Variants in DCN observed in about 807,000 individuals in gnomAD.
DCN encodes the protein bone proteoglycan II.
A neutral mutation model predicts 36.5 loss-of-function variants in DCN; 17 were observed. The ratio of observed to expected loss-of-function variants is 0.47; its 90% CI spans 0.32 to 0.70. The LOEUF is 0.70. Ranked by LOEUF, DCN falls within the 30% of genes least tolerant of loss-of-function variation. The pLI is 0.04. For synonymous variants in DCN, 163 were observed against 161.4 expected (o/e 1.01, Z -0.07); for missense variants, 389 against 430.1 (o/e 0.90, Z 0.84).
chr12:91,182,203 A>C (rs1868430115), intron 1 of DCN, among the ~76,000 whole-genome samples: 1 of 152,124 alleles, frequency 6.6e-6, no homozygotes, highest in Admixed American at 6.6e-5. Flanking sequence ...ATTTTCAGCT[A>C]ATCACCAGAG....
At chr12:91,146,756 T>G (rs1020378115) in intron 7 of DCN, among the ~76,000 whole-genome samples, 1 of 152,244 alleles carries the variant, frequency 6.6e-6, no homozygotes, top group Non-Finnish European at 1.5e-5. Flanking sequence ...CCCATCTCAG[T>G]AAATTGCATG....
At position 91,149,794 on chromosome 12, in the gene DCN, G is replaced by A. The variant is rs377146055; in HGVS notation, c.885+1860C>T. On this transcript the variant is annotated intron_variant, in intron 7 of 7. Transcript: ENST00000052754. ...ACATCAATTGTATGTTTATACATTA[G>A]CAGCAAACAAATAAAAAAATTAACA... is the stretch of plus-strand genomic sequence containing the variant. Among the ~76,000 whole-genome samples, 5 of 152,038 alleles carry A rather than the reference G, an allele frequency of 3.3e-5. No individual in the cohort carries two copies. The East Asian group carries it at 7.7e-4, about 23-fold the overall frequency.
chr12:91,154,798 T>C (rs1565776158), intron 5 of DCN, among the ~76,000 whole-genome samples: 1 of 152,162 alleles, frequency 6.6e-6, no homozygotes. Context: ...AAGCCTTACT[T>C]CTATAGAGTA....
intron 5 of DCN, among the ~76,000 whole-genome samples, chr12:91,154,498 T>C (rs1881635033): frequency 6.6e-6 from 1 of 152,140 alleles, no homozygotes; most frequent in African/African-American, 2.4e-5. Flanking sequence ...CCATCGGCCT[T>C]ACTTAGTTTC....
chr12:91,155,780 T>A (rs1881730443), intron 5 of DCN, among the ~76,000 whole-genome samples: 1 of 152,148 alleles, frequency 6.6e-6, no homozygotes, highest in Non-Finnish European at 1.5e-5. Context: ...GAATTATAAA[T>A]CAGTCTTTAT....
At chr12:91,157,219 A>G in intron 4 of DCN, 31 bp from the exon 5 acceptor site, 2 of 1,443,618 alleles carry the variant, frequency 1.4e-6, no homozygotes, top group Non-Finnish European at 2.0e-6. Context: ...AGGCTTTTAG[A>G]GGAAATTTTA....
intron 3 of DCN, among the ~76,000 whole-genome samples, chr12:91,161,703 C>T (rs1310580258): frequency 6.6e-6 from 1 of 152,136 alleles, no homozygotes; most frequent in African/African-American, 2.4e-5. Flanking sequence ...TTTTATTTGT[C>T]TGTTTCTTAT....
intron 7 of DCN, among the ~76,000 whole-genome samples, chr12:91,148,138 A>G (rs1046847155): frequency 2.0e-4 from 31 of 151,736 alleles, no homozygotes; most frequent in African/African-American, 6.5e-4. Flanking sequence ...CGGTGTCGCA[A>G]TCTCGGCTCA....
At chr12:91,179,550 G>T (rs758528352) in intron 1 of DCN, 1 of 152,104 alleles carries the variant, frequency 6.6e-6, no homozygotes, top group African/African-American at 2.4e-5. Flanking sequence ...CTCACTAGAC[G>T]ATGTACTCCT....
At chr12:91,165,513 T>C (rs959058692) in intron 2 of DCN, among the ~76,000 whole-genome samples, 3 of 152,152 alleles carry the variant, frequency 2.0e-5, no homozygotes, top group African/African-American at 7.2e-5. Context: ...GTCATTCAGC[T>C]AGTCATATAA....
intron 7 of DCN, among the ~76,000 whole-genome samples, chr12:91,150,043 A>G (rs1332112660): frequency 6.6e-6 from 1 of 152,200 alleles, no homozygotes; most frequent in Non-Finnish European, 1.5e-5. Context: ...ATTTTTCCAG[A>G]AATGAAAAAG....
chr12:91,146,892 G>A (rs929787260), intron 7 of DCN, among the ~76,000 whole-genome samples: 6 of 152,084 alleles, frequency 3.9e-5, no homozygotes, highest in Non-Finnish European at 4.4e-5. Context: ...ACTTAATCTA[G>A]TTCTCTCCAC....
Position 91,164,719 on chromosome 12 carries a change from T to G in DCN, c.212-2A>C. The G allele has an allele frequency of 1.3e-6, 2 of 1,529,104 alleles. No individual in the cohort carries two copies. Among genetic ancestry groups the G allele is most frequent in the Non-Finnish European group, 1.8e-6 (2 of 1,102,400 alleles). 94.7% of individuals were successfully genotyped at this position (1,529,104 alleles called of 1,614,324 possible). A position where few individuals can be genotyped will look rare whatever the true frequency, so the allele number is the denominator to read the frequency against. ...GATCCTTTGGCACTTTGTCCAGACC[T>G]AGCATAAGAGTAATAGGAGTGTGCT... On this transcript the variant is annotated splice_acceptor_variant, in intron 2 of 7. Coordinates refer to ENST00000052754, the MANE Select transcript of DCN (RefSeq NM_001920.5). LOFTEE classifies it high-confidence loss of function.
chr12:91,155,423 A>G (rs1361265592), intron 5 of DCN, among the ~76,000 whole-genome samples: 1 of 152,152 alleles, frequency 6.6e-6, no homozygotes, highest in African/African-American at 2.4e-5. Context: ...AGCAAGCTAT[A>G]AATGATGAGG....
chr12:91,149,614 G>A (rs906580558), intron 7 of DCN, among the ~76,000 whole-genome samples: 2 of 152,140 alleles, frequency 1.3e-5, no homozygotes, highest in African/African-American at 4.8e-5. Flanking sequence ...GGTGGGTTGT[G>A]GGGGAGGGGG....
chr12:91,147,144 A>G (rs1234701127), intron 7 of DCN, among the ~76,000 whole-genome samples: 2 of 152,188 alleles, frequency 1.3e-5, no homozygotes, highest in Non-Finnish European at 2.9e-5. Context: ...CAAATCCTAC[A>G]TGATCTGACA....
At chr12:91,156,937 C>T in intron 5 of DCN, 138 bp downstream of exon 5, 1 of 647,068 alleles carries the variant, frequency 1.5e-6, no homozygotes, top group East Asian at 2.8e-5. Context: ...CTGGATGAAA[C>T]ACTAGCAGTA....
chr12:91,157,121 G>A lies in DCN; in HGVS notation c.606C>T (p.Leu202=). ...TGGTATCAGCAATGCGGATGTAGGA[G>A]AGCTTCTTCATTCCCTGGAAAGCCC... is the stretch of plus-strand genomic sequence containing the variant. ...ENGAFQGMKK[L]SYIRIADTNI... is the part of the protein sequence containing the mutation. Residue 202 remains leucine (L), a synonymous_variant, in exon 5 of 8, where the codon CTC becomes CTT. Transcript: ENST00000052754. 6.2e-7 allele frequency: 1 copy of A among 1,613,622 alleles called. No homozygotes were observed. Among genetic ancestry groups the A allele is most frequent in the Non-Finnish European group, 8.5e-7 (1 of 1,179,590 alleles).
At chr12:91,180,433 T>G (rs1883523854) in intron 1 of DCN, 2 of 152,010 alleles carry the variant, frequency 1.3e-5, no homozygotes, top group Non-Finnish European at 2.9e-5. Flanking sequence ...AAGAAAGATC[T>G]TTGTATGATC....
Sources: gnomAD v4.1 joint callset for allele counts (sites outside exome capture counted in the v4.1 genomes callset) on GRCh38, gnomAD v4.1.1 for gene constraint, MANE v1.5 for transcripts, NCBI Gene and HGNC (gene_info 2026-07-23, HGNC 2026-07-21) for gene names.